WIZ: variants seen among roughly 807,000 people sequenced by gnomAD.
The protein encoded by WIZ is WIZ zinc finger.
A neutral mutation model predicts 140.2 loss-of-function variants in WIZ; 25 were observed. That is an observed-to-expected ratio of 0.18 (90% CI 0.13 to 0.25). WIZ has a LOEUF of 0.25. WIZ is among the 10% of genes least tolerant of loss of function. The pLI is 1.00. For synonymous variants in WIZ, 1,125 were observed against 1,154.3 expected, an observed-to-expected ratio of 0.97 and a Z score of 0.51; for missense variants, 2,231 against 2,632.6, an observed-to-expected ratio of 0.85 and a Z score of 3.34.
At chr19:15,432,837 T>C (rs1386114411) in intron 5 of WIZ, among the ~76,000 whole-genome samples, 1 of 150,674 alleles carries the variant, frequency 6.6e-6, no homozygotes, top group Non-Finnish European at 1.5e-5. Flanking sequence ...GCCTGCCGAG[T>C]GCCGAGCGCC....
Position 15,423,062 on chromosome 19 carries a change from G to A in WIZ, c.*14C>T. The A allele has an allele frequency of 1.2e-6, 2 of 1,609,972 alleles. No homozygotes were observed. The highest frequency in any genetic ancestry group is 8.5e-7 in the Non-Finnish European group (1 of 1,178,650). On this transcript the variant is annotated 3_prime_UTR_variant, in exon 13 of 13. Transcript: ENST00000673675. ...ACAGAGGTGGCACGAGAGGGGATCT[G>A]GAATGCTTTTGTGTTAGGGAGCCTC...
chr19:15,429,476 T>TCCC, intron 7 of WIZ, 110 bp downstream of exon 7: 2 of 1,071,036 alleles, frequency 1.9e-6, no homozygotes, highest in Non-Finnish European at 2.4e-6. Flanking sequence ...GGAGCTGTAG[T>TCCC]CCCCACCGCC....
At position 15,425,704 on chromosome 19, in the gene WIZ, G is replaced by A. The variant is rs1219061600; in HGVS notation, c.4431C>T (p.Arg1477=). The change falls in exon 10 of 13, where the codon CGC becomes CGT. Residue 1477 remains arginine (R), a synonymous_variant. Transcript: ENST00000673675. ...AGCGCGCGTGACTCGACAGGCCCTTGCGGTTCTCGAAGAACTCGCCGCAGA... is the reference window on the plus strand; with the variant it reads ...AGCGCGCGTGACTCGACAGGCCCTTACGGTTCTCGAAGAACTCGCCGCAGA... ...CEFCGEFFEN[R]KGLSSHARSH... is the part of the protein sequence containing the mutation. 3.1e-6 allele frequency: 5 copies of A among 1,612,524 alleles called. No homozygotes were observed. The highest frequency in any genetic ancestry group is 3.4e-6 in the Non-Finnish European group (4 of 1,179,606).
In WIZ at chr19:15,424,457, T is replaced by G. The variant is rs1335964759; in HGVS notation, c.5315-79A>C. The G allele has an allele frequency of 6.5e-7, 1 of 1,545,448 alleles. No homozygotes were observed. The highest frequency in any genetic ancestry group is 8.8e-7 in the Non-Finnish European group (1 of 1,142,652). On this transcript the variant is annotated intron_variant, in intron 11 of 12. Transcript: ENST00000673675. This position sits in a 1 kb window ranked among gnomAD's most constrained non-coding sequence, Gnocchi z 9.7. ...CTTGGAATACACAAGAGCTGAGGAC[T>G]GATGCTACCTGGATGGGTGGGATGG...
intron 12 of WIZ, 194 bp downstream of exon 12, chr19:15,423,989 G>A: frequency 2.0e-6 from 1 of 496,000 alleles, no homozygotes; most frequent in South Asian, 3.9e-5. Context: ...GTAAGTGGCA[G>A]AGTTGGGATT....
Position 15,442,822 on chromosome 19 carries a change from G to T in WIZ, c.206-74C>A. On this transcript the variant is annotated intron_variant, in intron 2 of 12. Transcript: ENST00000673675. The surrounding 1 kb of genome is among the most constrained non-coding windows in gnomAD (Gnocchi z 5.5). ...GGCCCTCCACACCCCAGCTCCAGGA[G>T]CCCTGCCAGGTGCCTCAGAAAGGCC... 1.0e-6 allele frequency: 1 copy of T among 971,378 alleles called. No homozygotes were observed. The highest frequency in any genetic ancestry group is 1.3e-6 in the Non-Finnish European group (1 of 749,694). 60.2% of individuals were successfully genotyped at this position (971,378 alleles called of 1,614,324 possible).
chr19:15,422,827 C>T lies in WIZ; in HGVS notation c.*249G>A. 1.8e-6 allele frequency: 1 copy of T among 555,296 alleles called. No individual in the cohort carries two copies. The highest frequency in any genetic ancestry group is 3.2e-6 in the Non-Finnish European group (1 of 316,930). The allele number at this position is 555,296 out of a possible 1,614,324, so 34.4% of individuals were successfully genotyped here. On this transcript the variant is annotated 3_prime_UTR_variant, in exon 13 of 13. Transcript: ENST00000673675. ...TGCCATCAGAGACCTGGCTGCTGCC[C>T]CTGCTGGACCAGGTGGGCATGGGCT...
rs1038280961 is a variant in WIZ at position 15,440,403 on chromosome 19, C to T, written c.591G>A (p.Gln197=). The change falls in exon 4 of 13, where the codon CAG becomes CAA. Residue 197 remains glutamine (Q), a synonymous_variant. Coordinates refer to ENST00000673675, the MANE Select transcript of WIZ (RefSeq NM_001371589.1). The surrounding 1 kb of genome is among the most constrained non-coding windows in gnomAD (Gnocchi z 6.2). ...LQDEDEQGSP[Q]DAGLHLDLPA... is the part of the protein sequence containing the mutation. ...GCAGGTCCAAGTGCAGCCCTGCGTCCTGGGGGGATCCCTGCTCGTCCTCAT... is the reference window on the plus strand; with the variant it reads ...GCAGGTCCAAGTGCAGCCCTGCGTCTTGGGGGGATCCCTGCTCGTCCTCAT... 4 of 1,535,624 alleles carry T rather than the reference C, an allele frequency of 2.6e-6. No individual in the cohort carries two copies. In the African/African-American group the frequency reaches 5.5e-5, roughly 21 times the overall value.
At chr19:15,425,196 G>T in intron 10 of WIZ, 45 bp downstream of exon 10, 1 of 1,550,886 alleles carries the variant, frequency 6.4e-7, no homozygotes, top group South Asian at 1.2e-5. Context: ...TGGCCTGGCA[G>T]GCCCTGGCGG....
intron 5 of WIZ, among the ~76,000 whole-genome samples, chr19:15,435,568 C>T (rs1014692067): frequency 3.3e-5 from 5 of 152,240 alleles, no homozygotes; most frequent in Non-Finnish European, 5.9e-5. Flanking sequence ...GGTGCAGTGG[C>T]TTACGCCTGT....
intron 5 of WIZ, 125 bp downstream of exon 5, chr19:15,436,681 A>G: frequency 9.9e-7 from 1 of 1,013,480 alleles, no homozygotes; most frequent in Non-Finnish European, 1.4e-6. Context: ...TCATCAACAT[A>G]CTTTGTAAAG....
In WIZ at chr19:15,428,135, A is replaced by G. The variant is rs1188466937; in HGVS notation, c.3789T>C (p.Asp1263=). The change falls in exon 8 of 13, where the codon GAT becomes GAC. Residue 1263 remains aspartate, a synonymous_variant. Coordinates refer to ENST00000673675, the MANE Select transcript of WIZ (RefSeq NM_001371589.1). The surrounding 1 kb of genome is among the most constrained non-coding windows in gnomAD (Gnocchi z 6.4). ...AGAGGTTGAGAGGAGACGGCTCCACATCAGAGGCCCAGAAAATGCCGGCGG... is the reference window on the plus strand; with the variant it reads ...AGAGGTTGAGAGGAGACGGCTCCACGTCAGAGGCCCAGAAAATGCCGGCGG... ...AAAAGIFWAS[D]VEPSPLNLSS... 1.3e-6 allele frequency: 2 copies of G among 1,534,158 alleles called. No individual in the cohort carries two copies. Among genetic ancestry groups the G allele is most frequent in the East Asian group, 4.9e-5 (2 of 40,896 alleles).
Position 15,430,177 on chromosome 19 carries a change from C to G in WIZ, c.2912-88G>C. 2.8e-6 allele frequency: 4 copies of G among 1,429,390 alleles called. No homozygotes were observed. In the South Asian group the frequency reaches 5.9e-5, roughly 21 times the overall value. 88.5% of individuals were successfully genotyped at this position (1,429,390 alleles called of 1,614,324 possible). A position where few individuals can be genotyped will look rare whatever the true frequency, so the allele number is the denominator to read the frequency against. On this transcript the variant is annotated intron_variant, in intron 6 of 12. Coordinates refer to ENST00000673675, the MANE Select transcript of WIZ (RefSeq NM_001371589.1). ...TCTCCTCCCCTGAGAGTCCCACTCACCCAGGCTCCATGGAAGTGTTTTGCC... is the reference window on the plus strand; with the variant it reads ...TCTCCTCCCCTGAGAGTCCCACTCAGCCAGGCTCCATGGAAGTGTTTTGCC...
At position 15,421,383 on chromosome 19, in the gene WIZ, T is replaced by A. The variant is rs936401314; in HGVS notation, c.*1693A>T. The A allele has an allele frequency of 3.3e-5, 5 of 152,296 alleles. No individual in the cohort carries two copies. Among genetic ancestry groups the A allele is most frequent in the Non-Finnish European group, 5.9e-5 (4 of 68,034 alleles). 9.4% of individuals were successfully genotyped at this position (152,296 alleles called of 1,614,324 possible). A position where few individuals can be genotyped will look rare whatever the true frequency, so the allele number is the denominator to read the frequency against. Reference sequence around the variant, plus strand: ...AATCCCTCCTTCCCAGGAAGGGGTATGGTGGGAGGGCCCAGAAAGCAGGGC... The same window carrying A: ...AATCCCTCCTTCCCAGGAAGGGGTAAGGTGGGAGGGCCCAGAAAGCAGGGC... On this transcript the variant is annotated 3_prime_UTR_variant, in exon 13 of 13. Transcript: ENST00000673675.
rs758932935 is a variant in WIZ at position 15,439,943 on chromosome 19, G to A, written c.1051C>T (p.Pro351Ser). The A allele has an allele frequency of 6.5e-7, 1 of 1,534,646 alleles. No individual in the cohort carries two copies. ...PGQEPPADLA[P>S]LACGECGWAF... ...CAGCCACACTCCCCGCAGGCCAGCGGGGCCAGGTCCGCAGGGGGCTCCTGG... is the reference window on the plus strand; with the variant it reads ...CAGCCACACTCCCCGCAGGCCAGCGAGGCCAGGTCCGCAGGGGGCTCCTGG... The change falls in exon 4 of 13, where the codon CCG becomes TCG. Residue 351 changes from proline to serine, a missense_variant. Pro to Ser is a moderately conservative substitution (Grantham distance 74, BLOSUM62 -1). Transcript: ENST00000673675. The surrounding 1 kb of genome is among the most constrained non-coding windows in gnomAD (Gnocchi z 7.0).
chr19:15,442,202 A>T lies in WIZ; in HGVS notation c.278+474T>A, dbSNP rs958938745. ...ACTTTCTCAAAAAAAAAAAAAAAAGATGACTATGACTTATTAGCACCTGCC... is the reference window on the plus strand; with the variant it reads ...ACTTTCTCAAAAAAAAAAAAAAAAGTTGACTATGACTTATTAGCACCTGCC... On this transcript the variant is annotated intron_variant, in intron 3 of 12. Transcript: ENST00000673675. The surrounding 1 kb of genome is among the most constrained non-coding windows in gnomAD (Gnocchi z 5.5). 6.7e-6 allele frequency among the ~76,000 whole-genome samples: 1 copy of T among 149,808 alleles called. No homozygotes were observed. The highest frequency in any genetic ancestry group is 6.7e-5 in the Admixed American group (1 of 15,034).
rs1463730033 is a variant in WIZ at position 15,429,593 on chromosome 19, C to T, written c.3408G>A (p.Leu1136=). ...CTTGGGACCCACACTCACTGAGGTT[C>T]AAGGGCCCCTCATCCTCAGACTGAG... The part of the protein sequence containing the change: ...QWPQSEDEGP[L]NLTLDSDGGR... Residue 1136 remains leucine (L), a synonymous_variant, in exon 7 of 13, where the codon TTG becomes TTA. Transcript: ENST00000673675. 17 of 1,378,178 alleles carry T rather than the reference C, an allele frequency of 1.2e-5. No individual in the cohort carries two copies. The highest frequency in any genetic ancestry group is 2.1e-4 in the Middle Eastern group (1 of 4,828). 85.4% of individuals were successfully genotyped at this position (1,378,178 alleles called of 1,614,324 possible). A position where few individuals can be genotyped will look rare whatever the true frequency, so the allele number is the denominator to read the frequency against.
intron 9 of WIZ, 103 bp downstream of exon 9, chr19:15,426,879 C>T (rs1182902751): frequency 7.2e-7 from 1 of 1,393,770 alleles, no homozygotes; most frequent in Non-Finnish European, 9.7e-7. Flanking sequence ...CCTGCGTGTC[C>T]TCCCTTCCAA....
chr19:15,428,051 C>T lies in WIZ; in HGVS notation c.3814+59G>A. The T allele has an allele frequency of 3.3e-6, 5 of 1,515,366 alleles. No homozygotes were observed. Among genetic ancestry groups the T allele is most frequent in the South Asian group, 1.2e-5 (1 of 81,058 alleles). 93.9% of individuals were successfully genotyped at this position (1,515,366 alleles called of 1,614,324 possible). A position where few individuals can be genotyped will look rare whatever the true frequency, so the allele number is the denominator to read the frequency against. On this transcript the variant is annotated intron_variant, in intron 8 of 12. Transcript: ENST00000673675. The surrounding 1 kb of genome is among the most constrained non-coding windows in gnomAD (Gnocchi z 6.4). ...CAGCAGGGAGGGGGCTGTGACCCCC[C>T]CCCCGGGAGGGGCTCCAGGGCCCGC...
Sources: gnomAD v4.1 joint callset for allele counts (sites outside exome capture counted in the v4.1 genomes callset) on GRCh38, gnomAD v4.1.1 for gene constraint, Gnocchi (gnomAD v3.1) non-coding constraint, MANE v1.5 for transcripts, NCBI Gene and HGNC (gene_info 2026-07-23, HGNC 2026-07-21) for gene names.